SAFB2: variants seen among roughly 807,000 people sequenced by gnomAD.
SAFB2 encodes the protein scaffold attachment factor B2.
In SAFB2, 32 loss-of-function variants were observed where a neutral mutation model predicts 100.6. The ratio of observed to expected loss-of-function variants is 0.32; its 90% CI spans 0.24 to 0.43. The LOEUF (loss-of-function observed/expected upper bound fraction) is 0.43, where lower values mean the gene tolerates loss of function less well. SAFB2 is among the 20% of genes least tolerant of loss of function. The pLI is 1.00. For synonymous variants in SAFB2, 500 were observed against 439.4 expected, an observed-to-expected ratio of 1.14 and a Z score of -1.72; for missense variants, 1,185 against 1,163.4, an observed-to-expected ratio of 1.02 and a Z score of -0.27.
chr19:5,618,426 C>T lies in SAFB2; in HGVS notation c.275-1940G>A, dbSNP rs191608037. Among the ~76,000 whole-genome samples the T allele has an allele frequency of 1.8e-3, 271 of 152,290 alleles. 4 individuals are homozygous for T. The highest frequency in any genetic ancestry group is 6.9e-3 in the East Asian group (36 of 5,188). ...GGGTCTACACCTCAAGAGTCTCACT[C>T]ACCACTATTATCAATAATCACTCAA... is the stretch of plus-strand genomic sequence containing the variant. On this transcript the variant is annotated intron_variant, in intron 2 of 20. Transcript: ENST00000252542.
intron 2 of SAFB2, among the ~76,000 whole-genome samples, chr19:5,617,098 AATG>A (rs2145360905): frequency 6.6e-6 from 1 of 152,350 alleles, no homozygotes; most frequent in South Asian, 2.1e-4. Context: ...ATCACAAAAA[AATG>A]AGCAAAGGAT....
At chr19:5,597,635 C>T (rs577974337) in intron 13 of SAFB2, among the ~76,000 whole-genome samples, 16 of 152,190 alleles carry the variant, frequency 1.1e-4, no homozygotes, top group African/African-American at 2.9e-4. Context: ...TTAGTATGCC[C>T]GTGCTGCATC....
rs1220801238 is a variant in SAFB2 at position 5,592,727 on chromosome 19, G to A, written c.2348+20C>T. On this transcript the variant is annotated intron_variant, in intron 16 of 20. Transcript: ENST00000252542. ...GTGCCCACAATGACTGTAGCTAAAG[G>A]AGGGGACAAGACCACTGACCTGTCG... is the stretch of plus-strand genomic sequence containing the variant. 2.5e-6 allele frequency: 4 copies of A among 1,613,472 alleles called. No individual in the cohort carries two copies. The highest frequency in any genetic ancestry group is 1.7e-6 in the Non-Finnish European group (2 of 1,179,844).
At chr19:5,590,771 C>G (rs2052380053) in intron 17 of SAFB2, among the ~76,000 whole-genome samples, 1 of 150,976 alleles carries the variant, frequency 6.6e-6, no homozygotes, top group African/African-American at 2.5e-5. Context: ...TCGGGTGGGT[C>G]AGCCCCCCTG....
intron 14 of SAFB2, 104 bp from the exon 15 acceptor site, chr19:5,594,282 G>A: frequency 7.4e-7 from 1 of 1,358,576 alleles, no homozygotes. Context: ...AAAAAAAATG[G>A]ATCCAAAAGC....
intron 7 of SAFB2, 25 bp from the exon 8 acceptor site, chr19:5,610,713 C>T (rs1316799241): frequency 1.4e-6 from 2 of 1,468,310 alleles, no homozygotes; most frequent in South Asian, 1.2e-5. Flanking sequence ...TAATGTTACT[C>T]ATACAGGAAA....
At chr19:5,595,791 G>A (rs555072230) in intron 13 of SAFB2, among the ~76,000 whole-genome samples, 1 of 152,342 alleles carries the variant, frequency 6.6e-6, no homozygotes, top group South Asian at 2.1e-4. Flanking sequence ...CACAGCCAAG[G>A]ACTCACATAA....
At chr19:5,612,423 G>T in intron 6 of SAFB2, 117 bp downstream of exon 6, 1 of 917,178 alleles carries the variant, frequency 1.1e-6, no homozygotes, top group Non-Finnish European at 1.8e-6. Context: ...GTATGATCTG[G>T]ATTGTCCACC....
chr19:5,612,268 G>A (rs1156628510), intron 6 of SAFB2: 3 of 512,358 alleles, frequency 5.9e-6, no homozygotes, highest in African/African-American at 1.9e-5. Flanking sequence ...GGAATCACGG[G>A]GACGGGGGAA....
chr19:5,612,630 C>T (rs1599270327), intron 5 of SAFB2, 63 bp from the exon 6 acceptor site: 2 of 1,291,402 alleles, frequency 1.5e-6, no homozygotes, highest in East Asian at 4.6e-5. Flanking sequence ...TACATTTCAC[C>T]AGTAAATATG....
At position 5,598,784 on chromosome 19, in the gene SAFB2, A is replaced by C. The variant is rs1163309193; in HGVS notation, c.1782+9T>G. On this transcript the variant is annotated intron_variant, in intron 13 of 20. Coordinates refer to ENST00000252542, the MANE Select transcript of SAFB2 (RefSeq NM_014649.3). Reference sequence around the variant, plus strand: ...CAGCTGGCCCTGAGATGGCAGAGGCAATACTCACTCTCTCTTTGGACCTGC... The same window carrying C: ...CAGCTGGCCCTGAGATGGCAGAGGCCATACTCACTCTCTCTTTGGACCTGC... 3.1e-6 allele frequency: 5 copies of C among 1,611,566 alleles called. No homozygotes were observed. In the Admixed American group the frequency reaches 6.7e-5, roughly 21 times the overall value.
At chr19:5,610,959 C>T (rs911618199) in intron 7 of SAFB2, 161 bp downstream of exon 7, 1 of 586,972 alleles carries the variant, frequency 1.7e-6, no homozygotes, top group African/African-American at 1.9e-5. Context: ...AATTGAATCA[C>T]CCATTAAAAA....
At chr19:5,609,550 C>T (rs756626167) in intron 9 of SAFB2, among the ~76,000 whole-genome samples, 2 of 151,914 alleles carry the variant, frequency 1.3e-5, no homozygotes, top group Non-Finnish European at 2.9e-5. Flanking sequence ...GTGATACGCC[C>T]GCCTCGGCCT....
Position 5,587,611 on chromosome 19 carries a change from C to T in SAFB2, c.2705+90G>A. On this transcript the variant is annotated intron_variant, in intron 20 of 20. Transcript: ENST00000252542. The surrounding 1 kb of genome is among the most constrained non-coding windows in gnomAD (Gnocchi z 4.9). ...CTTTTTGCTTTGTTTTCATAACATC[C>T]AACCCAGCCAGCTGATCAAACATGC... 1 of 1,468,052 alleles carries T rather than the reference C, an allele frequency of 6.8e-7. No homozygotes were observed. The allele number at this position is 1,468,052 out of a possible 1,614,324, so 90.9% of individuals were successfully genotyped here.
intron 16 of SAFB2, 99 bp downstream of exon 16, chr19:5,592,648 G>A: frequency 1.4e-6 from 2 of 1,386,176 alleles, no homozygotes; most frequent in Non-Finnish European, 2.0e-6. Flanking sequence ...CGAGGCTTCA[G>A]AGCACACAGG....
At chr19:5,618,088 G>A (rs2053069789) in intron 2 of SAFB2, among the ~76,000 whole-genome samples, 1 of 152,194 alleles carries the variant, frequency 6.6e-6, no homozygotes, top group Admixed American at 6.5e-5. Flanking sequence ...AGGCTGCCAC[G>A]ATCATGCCAC....
chr19:5,600,276 G>T lies in SAFB2; in HGVS notation c.1560-16C>A. 2 of 1,609,390 alleles carry T rather than the reference G, an allele frequency of 1.2e-6. No homozygotes were observed. The highest frequency in any genetic ancestry group is 1.7e-6 in the Non-Finnish European group (2 of 1,178,566). ...AATTACAGTTCTATTTAAAGACATG[G>T]TTATCAAATTTGAGTTCACAAGACT... On this transcript the variant is annotated splice_polypyrimidine_tract_variant and intron_variant, in intron 11 of 20. Coordinates refer to ENST00000252542, the MANE Select transcript of SAFB2 (RefSeq NM_014649.3).
chr19:5,616,413 ATCACTTACCT>A lies in SAFB2; in HGVS notation c.338_339+8del. The A allele has an allele frequency of 6.2e-7, 1 of 1,614,002 alleles. No individual in the cohort carries two copies. The highest frequency in any genetic ancestry group is 8.5e-7 in the Non-Finnish European group (1 of 1,179,996). On this transcript the variant is annotated splice_donor_variant and splice_donor_5th_base_variant and coding_sequence_variant and intron_variant, in exon 3 of 21. Coordinates refer to ENST00000252542, the MANE Select transcript of SAFB2 (RefSeq NM_014649.3). LOFTEE classifies it high-confidence loss of function. ...TGCTGCTTGTCATCTCTACCCTGAC[ATCACTTACCT>A]GCCCGTCTCTGGAATCGTCTTCCAG... is the stretch of plus-strand genomic sequence containing the variant.
chr19:5,598,594 C>T, intron 13 of SAFB2, 199 bp downstream of exon 13: 1 of 587,030 alleles, frequency 1.7e-6, no homozygotes, highest in Non-Finnish European at 3.1e-6. Context: ...GTAAGGGAAG[C>T]AAACACGGAT....
Sources: gnomAD v4.1 joint callset for allele counts (sites outside exome capture counted in the v4.1 genomes callset) on GRCh38, gnomAD v4.1.1 for gene constraint, Gnocchi (gnomAD v3.1) non-coding constraint, MANE v1.5 for transcripts, NCBI Gene and HGNC (gene_info 2026-07-23, HGNC 2026-07-21) for gene names.